TNIK: variants seen among roughly 807,000 people sequenced by gnomAD.
The protein encoded by TNIK is TRAF2 and NCK interacting kinase.
TNIK carries 49 observed loss-of-function variants against 191.3 expected under a neutral mutation model. The ratio of observed to expected loss-of-function variants is 0.26; its 90% CI spans 0.20 to 0.32. TNIK has a LOEUF of 0.32. Among genes scored for constraint, TNIK ranks in the 10% least tolerant of loss-of-function variants. The pLI is 1.00. For synonymous variants in TNIK, 594 were observed against 600.9 expected, an observed-to-expected ratio of 0.99 and a Z score of 0.17; for missense variants, 1,155 against 1,702.3, an observed-to-expected ratio of 0.68 and a Z score of 5.66.
At position 171,082,321 on chromosome 3, in the gene TNIK, A is replaced by G. The variant is rs1254624416; in HGVS notation, c.3243T>C (p.Asn1081=). The part of the protein sequence containing the change: ...LDRSGQGKVY[N]LINRRRFQQM... ...GCTGAAATCGCCTCCGGTTGATCAG[A>G]TTATAGACTTTGCCTTGCCCACTTC... is the stretch of plus-strand genomic sequence containing the variant. The change falls in exon 27 of 33, where the codon AAT becomes AAC. Residue 1081 remains asparagine, a synonymous_variant. Transcript: ENST00000436636. 4 of 1,613,760 alleles carry G rather than the reference A, an allele frequency of 2.5e-6. No homozygotes were observed. The highest frequency in any genetic ancestry group is 1.1e-5 in the South Asian group (1 of 91,072).
intron 1 of TNIK, among the ~76,000 whole-genome samples, chr3:171,371,240 G>A (rs1716450707): frequency 6.6e-6 from 1 of 152,304 alleles, no homozygotes; most frequent in South Asian, 2.1e-4. Flanking sequence ...AGGGGAAAAT[G>A]AGTTTATCTG....
chr3:171,253,421 C>T (rs1033784274), intron 2 of TNIK, among the ~76,000 whole-genome samples: 1 of 152,040 alleles, frequency 6.6e-6, no homozygotes, highest in Non-Finnish European at 1.5e-5. Context: ...CTTTCACTCT[C>T]ACATATGGTT....
chr3:171,313,508 C>T (rs1307736046), intron 2 of TNIK, among the ~76,000 whole-genome samples: 1 of 152,084 alleles, frequency 6.6e-6, no homozygotes, highest in African/African-American at 2.4e-5. Context: ...CCACTTTTGT[C>T]ATTAGACAGT....
Position 171,460,248 on chromosome 3 carries a change from G to A in TNIK, c.-185C>T. ...CGATCCTCCGCGCGTCGGTCCGCCG[G>A]GTCCGGGAGCCCAGCCTGCGCGGAT... is the stretch of plus-strand genomic sequence containing the variant. On this transcript the variant is annotated 5_prime_UTR_variant, in exon 1 of 33. Coordinates refer to ENST00000436636, the MANE Select transcript of TNIK (RefSeq NM_015028.4). The surrounding 1 kb of genome is among the most constrained non-coding windows in gnomAD (Gnocchi z 6.8). 1.4e-6 allele frequency: 1 copy of A among 721,740 alleles called. No individual in the cohort carries two copies. Among genetic ancestry groups the A allele is most frequent in the South Asian group, 1.8e-5 (1 of 56,126 alleles). 44.7% of individuals were successfully genotyped at this position (721,740 alleles called of 1,614,324 possible). A position where few individuals can be genotyped will look rare whatever the true frequency, so the allele number is the denominator to read the frequency against.
chr3:171,333,790 A>G (rs1756664865), intron 2 of TNIK, among the ~76,000 whole-genome samples: 1 of 152,172 alleles, frequency 6.6e-6, no homozygotes, highest in African/African-American at 2.4e-5. Flanking sequence ...CCAGATAGTA[A>G]CCTTTCCCTT....
At chr3:171,406,471 C>T (rs916148540) in intron 1 of TNIK, among the ~76,000 whole-genome samples, 2 of 152,122 alleles carry the variant, frequency 1.3e-5, no homozygotes, top group Non-Finnish European at 2.9e-5. Flanking sequence ...ACACTGTCAC[C>T]CAGACTGGAG....
intron 21 of TNIK, among the ~76,000 whole-genome samples, chr3:171,103,922 TG>T (rs1724102107): frequency 6.6e-6 from 1 of 152,122 alleles, no homozygotes; most frequent in African/African-American, 2.4e-5. Context: ...AACTTTCACT[TG>T]TTAAAATGAC....
At chr3:171,177,413 T>C (rs772246333) in intron 7 of TNIK, 33 bp from the exon 8 acceptor site, 5 of 1,590,548 alleles carry the variant, frequency 3.1e-6, no homozygotes, top group Non-Finnish European at 3.4e-6. Flanking sequence ...ACACATAAAT[T>C]CAGTCAACAA....
chr3:171,226,717 A>G (rs1165486063), intron 3 of TNIK, among the ~76,000 whole-genome samples: 1 of 152,194 alleles, frequency 6.6e-6, no homozygotes, highest in Non-Finnish European at 1.5e-5. Context: ...AAATGGTAAC[A>G]AAAATACAGG....
chr3:171,439,986 A>T (rs937082318), intron 1 of TNIK, among the ~76,000 whole-genome samples: 4 of 152,068 alleles, frequency 2.6e-5, no homozygotes, highest in African/African-American at 9.7e-5. Flanking sequence ...ACTCAACCTC[A>T]CTGTGGCACA....
chr3:171,369,194 C>T (rs1577663904), intron 2 of TNIK, among the ~76,000 whole-genome samples: 1 of 152,284 alleles, frequency 6.6e-6, no homozygotes, highest in South Asian at 2.1e-4. Context: ...TTTCTTCCAA[C>T]ACTGTTCACT....
intron 1 of TNIK, among the ~76,000 whole-genome samples, chr3:171,416,901 T>C (rs1723160783): frequency 6.6e-6 from 1 of 152,242 alleles, no homozygotes; most frequent in Non-Finnish European, 1.5e-5. Flanking sequence ...GTAAATTCCC[T>C]GGCAGTAGAA....
intron 12 of TNIK, among the ~76,000 whole-genome samples, chr3:171,144,888 C>G (rs1731323917): frequency 6.6e-6 from 1 of 152,142 alleles, no homozygotes; most frequent in African/African-American, 2.4e-5. Context: ...GAATCTTTCA[C>G]TTGATATAAT....
chr3:171,149,222 G>C (rs961240792), intron 12 of TNIK, among the ~76,000 whole-genome samples: 1 of 152,156 alleles, frequency 6.6e-6, no homozygotes, highest in South Asian at 2.1e-4. Context: ...CTTAGACAAC[G>C]GAGGGTAGGT....
chr3:171,161,930 T>TATA (rs910872496), intron 10 of TNIK, among the ~76,000 whole-genome samples: 22 of 151,844 alleles, frequency 1.4e-4, no homozygotes, highest in African/African-American at 4.8e-4. Context: ...AAAATAATAA[T>TATA]ATAATAATAA....
intron 2 of TNIK, among the ~76,000 whole-genome samples, chr3:171,356,803 C>T (rs1422824869): frequency 6.6e-6 from 1 of 152,150 alleles, no homozygotes; most frequent in Non-Finnish European, 1.5e-5. Flanking sequence ...GTTAATCATA[C>T]CTCTTCTATC....
At chr3:171,259,856 C>T (rs1271581008) in intron 2 of TNIK, among the ~76,000 whole-genome samples, 1 of 152,178 alleles carries the variant, frequency 6.6e-6, no homozygotes, top group African/African-American at 2.4e-5. Flanking sequence ...TTCTTGCCCT[C>T]ATTTACTAAA....
chr3:171,304,858 T>A (rs1425474419), intron 2 of TNIK, among the ~76,000 whole-genome samples: 1 of 150,358 alleles, frequency 6.7e-6, no homozygotes, highest in Non-Finnish European at 1.5e-5. Flanking sequence ...GGGACCGTTG[T>A]GGGGTGGGGG....
chr3:171,335,749 ACTGGCG>A (rs2108381852), intron 2 of TNIK, among the ~76,000 whole-genome samples: 1 of 152,300 alleles, frequency 6.6e-6, no homozygotes, highest in South Asian at 2.1e-4. Context: ...AGATCTTGGT[ACTGGCG>A]TGTGTTTTAT....
Sources: gnomAD v4.1 joint callset for allele counts (sites outside exome capture counted in the v4.1 genomes callset) on GRCh38, gnomAD v4.1.1 for gene constraint, Gnocchi (gnomAD v3.1) non-coding constraint, MANE v1.5 for transcripts, NCBI Gene and HGNC (gene_info 2026-07-23, HGNC 2026-07-21) for gene names.